ASTE1: variants seen among roughly 807,000 people sequenced by gnomAD.
The protein encoded by ASTE1 is single-strand DNA endonuclease ASTE1.
A neutral mutation model predicts 45.8 loss-of-function variants in ASTE1; 49 were observed. That is an observed-to-expected ratio of 1.07 (90% CI 0.85 to 1.36). The LOEUF (loss-of-function observed/expected upper bound fraction) is 1.36. Among genes scored for constraint, ASTE1 ranks in the 40% most tolerant of loss-of-function variants. ASTE1 has a pLI of 0.00. For synonymous variants in ASTE1, 296 were observed against 303.9 expected (o/e 0.97, Z 0.27); for missense variants, 709 against 804.0 (o/e 0.88, Z 1.43).
chr3:131,022,698 G>C (rs895769517), intron 3 of ASTE1, among the ~76,000 whole-genome samples: 2 of 151,932 alleles, frequency 1.3e-5, no homozygotes, highest in African/African-American at 4.8e-5. Flanking sequence ...AGAAACCCTG[G>C]GGGTTTAACA....
intron 3 of ASTE1, among the ~76,000 whole-genome samples, chr3:131,021,819 C>A (rs1263812046): frequency 6.6e-6 from 1 of 152,162 alleles, no homozygotes; most frequent in Non-Finnish European, 1.5e-5. Flanking sequence ...CTTTACTGTA[C>A]ACTACTTATT....
At position 131,016,259 on chromosome 3, in the gene ASTE1, T is replaced by C; in HGVS notation, c.1594A>G (p.Thr532Ala). 6.2e-7 allele frequency: 1 copy of C among 1,614,196 alleles called. No individual in the cohort carries two copies. The change falls in exon 5 of 6, where the codon ACA (threonine) becomes GCA (alanine). Residue 532 changes from threonine to alanine, a missense_variant. Transcript: ENST00000264992. ...QRVKAQTRLG[T>A]RLDLDTAHIF... ...TGAGCTGTGTCTAAGTCCAGTCTTGTGCCCAGCCGTGTCTGCGCCTTCACT... is the reference window on the plus strand; with the variant it reads ...TGAGCTGTGTCTAAGTCCAGTCTTGCGCCCAGCCGTGTCTGCGCCTTCACT...
chr3:131,020,740 A>G (rs1363670805), intron 3 of ASTE1, among the ~76,000 whole-genome samples: 1 of 152,226 alleles, frequency 6.6e-6, no homozygotes, highest in Admixed American at 6.5e-5. Context: ...GCTAATTAGA[A>G]CCATTAGCAC....
At chr3:131,015,937 T>C (rs2063605703) in intron 5 of ASTE1, 6 of 723,538 alleles carry the variant, frequency 8.3e-6, no homozygotes, top group Non-Finnish European at 1.4e-5. Flanking sequence ...CATGGAAACA[T>C]TCTTTGAGAA....
At chr3:131,015,843 T>C (rs1403286352) in intron 5 of ASTE1, 1 of 465,338 alleles carries the variant, frequency 2.1e-6, no homozygotes, top group Non-Finnish European at 3.9e-6. Context: ...AAGGAGAGAG[T>C]TGTATCCTAC....
At chr3:131,016,633 T>C (rs946737216) in intron 4 of ASTE1, 2 of 415,970 alleles carry the variant, frequency 4.8e-6, no homozygotes, top group Non-Finnish European at 8.8e-6. Context: ...ATTTGAATTC[T>C]CTAAACCCTA....
At chr3:131,014,948 C>T (rs902741102) in intron 5 of ASTE1, among the ~76,000 whole-genome samples, 1 of 152,198 alleles carries the variant, frequency 6.6e-6, no homozygotes, top group Non-Finnish European at 1.5e-5. Flanking sequence ...GATTCAAGAA[C>T]AATCCTGCTG....
Position 131,025,018 on chromosome 3 carries a change from T to A in ASTE1, c.289A>T (p.Arg97Ter). The change falls in exon 3 of 6, where the codon AGA becomes TGA. Residue 97 changes from arginine (R) to a stop codon, truncating the protein, a stop_gained. Coordinates refer to ENST00000264992, the MANE Select transcript of ASTE1 (RefSeq NM_014065.4). LOFTEE classifies it high-confidence loss of function. ...GAATGGGCCATCTGGATCTTCTCTC[T>A]AGCTCTATCCTTTAAAGTTGTAAGC... Reference protein sequence around the residue: ...KKLTTLKDRAREKIQMAHSLS... With the variant: ...KKLTTLKDRA 1 of 1,601,194 alleles carries A rather than the reference T, an allele frequency of 6.2e-7. No homozygotes were observed. Among genetic ancestry groups the A allele is most frequent in the East Asian group, 2.2e-5 (1 of 44,786 alleles).
Position 131,014,314 on chromosome 3 carries a change from T to C in ASTE1, c.1783A>G (p.Ser595Gly). Reference protein sequence around the residue: ...LASTSVESLLSICPEAKQLYE... With the variant: ...LASTSVESLLGICPEAKQLYE... The stretch of plus-strand genomic sequence containing the variant: ...AGTTGCTTAGCCTCAGGACATATGC[T>C]CAGGAGACTTTCTACAGAGGTCGAT... Residue 595 changes from serine (S) to glycine (G), a missense_variant, in exon 6 of 6, where the codon AGC becomes GGC. Physicochemically the swap from Ser to Gly is moderately conservative, Grantham distance 56 (BLOSUM62 0). Transcript: ENST00000264992. 1 of 1,614,006 alleles carries C rather than the reference T, an allele frequency of 6.2e-7. No homozygotes were observed. Among genetic ancestry groups the C allele is most frequent in the Non-Finnish European group, 8.5e-7 (1 of 1,179,978 alleles).
chr3:131,023,132 G>A (rs540012763), intron 3 of ASTE1, among the ~76,000 whole-genome samples: 35 of 152,288 alleles, frequency 2.3e-4, no homozygotes, highest in African/African-American at 7.7e-4. Flanking sequence ...TGACAGAAAA[G>A]GAAGACCTGA....
chr3:131,021,571 T>C (rs1251671442), intron 3 of ASTE1, among the ~76,000 whole-genome samples: 1 of 152,164 alleles, frequency 6.6e-6, no homozygotes, highest in Non-Finnish European at 1.5e-5. Flanking sequence ...GAGAAGCTTC[T>C]AGGGTGGCGA....
In ASTE1 at chr3:131,016,372, C is replaced by T; in HGVS notation, c.1514-33G>A. On this transcript the variant is annotated intron_variant, in intron 4 of 5. Coordinates refer to ENST00000264992, the MANE Select transcript of ASTE1 (RefSeq NM_014065.4). ...AAGAAACAGCCCAAGGGCAGTATTT[C>T]TAAAAGCACTGTAACAGCTTTTCAT... is the stretch of plus-strand genomic sequence containing the variant. The T allele has an allele frequency of 1.9e-6, 3 of 1,610,942 alleles. No homozygotes were observed. In the African/African-American group the frequency reaches 4.0e-5, roughly 21 times the overall value.
At chr3:131,014,598 T>C (rs964161809) in intron 5 of ASTE1, among the ~76,000 whole-genome samples, 4 of 150,980 alleles carry the variant, frequency 2.6e-5, no homozygotes, top group Non-Finnish European at 4.5e-5. Context: ...ACTTAAAAAC[T>C]TTTCATCAAC....
At position 131,018,489 on chromosome 3, in the gene ASTE1, A is replaced by G. The variant is rs148800707; in HGVS notation, c.1513+17T>C. ...GCAACATGCCACAATATACTCCTGT[A>G]ATTTCCAGTTACCTACCAGGGCTGT... On this transcript the variant is annotated intron_variant, in intron 4 of 5. Transcript: ENST00000264992. The G allele has an allele frequency of 2.0e-3, 3,298 of 1,608,934 alleles. 5 individuals carry two copies. Among genetic ancestry groups the G allele is most frequent in the Non-Finnish European group, 2.6e-3 (3,036 of 1,175,372 alleles).
chr3:131,018,433 G>T (rs1482075138), intron 4 of ASTE1, 73 bp downstream of exon 4: 32 of 1,424,408 alleles, frequency 2.2e-5, no homozygotes, highest in Admixed American at 2.2e-4. Flanking sequence ...ATACTTTTTT[G>T]TTTGTGTAAA....
In ASTE1 at chr3:131,018,708, C is replaced by G; in HGVS notation, c.1311G>C (p.Leu437Phe). 2 of 1,613,840 alleles carry G rather than the reference C, an allele frequency of 1.2e-6. No individual in the cohort carries two copies. The highest frequency in any genetic ancestry group is 1.7e-6 in the Non-Finnish European group (2 of 1,179,982). The stretch of plus-strand genomic sequence containing the variant: ...CTAACAGAAGCATCTGCCGCCTCCT[C>G]AAGGAGAGCTGAAAATACACACCAA... ...SDLSRLTELS[L>F]RRRQMLLLET... The change falls in exon 4 of 6, where the codon TTG becomes TTC. Residue 437 changes from leucine to phenylalanine, a missense_variant. By Grantham distance (22) the Leu-to-Phe change is conservative. Coordinates refer to ENST00000264992, the MANE Select transcript of ASTE1 (RefSeq NM_014065.4).
intron 3 of ASTE1, among the ~76,000 whole-genome samples, chr3:131,022,715 C>T (rs773057541): frequency 6.6e-6 from 1 of 152,106 alleles, no homozygotes; most frequent in Non-Finnish European, 1.5e-5. Context: ...AACAGTCACT[C>T]GCCAATGCCA....
rs1477692710 is a variant in ASTE1 at position 131,024,559 on chromosome 3, C to G, written c.748G>C (p.Gly250Arg). ...RLPLGATSSK[G>R]RRHHRILGLL... is the part of the protein sequence containing the mutation. ...CCCAGGATTCGGTGGTGTCTCCTCC[C>G]TTTAGAACTGGTAGCTCCAAGAGGA... Residue 250 changes from glycine (G) to arginine (R), a missense_variant, in exon 3 of 6, where the codon GGG (glycine) becomes CGG (arginine). Transcript: ENST00000264992. 1.2e-6 allele frequency: 2 copies of G among 1,613,972 alleles called. No homozygotes were observed. The highest frequency in any genetic ancestry group is 1.1e-5 in the South Asian group (1 of 91,062).
At chr3:131,023,879 C>G in intron 3 of ASTE1, 126 bp downstream of exon 3, 1 of 979,492 alleles carries the variant, frequency 1.0e-6, no homozygotes, top group Non-Finnish European at 1.4e-6. Flanking sequence ...TTCTTAGCTA[C>G]GACATGAGGG....
Sources: allele counts gnomAD v4.1 joint callset (sites outside exome capture counted in the v4.1 genomes callset), GRCh38; gene constraint gnomAD v4.1.1; transcripts MANE v1.5; gene names NCBI Gene and HGNC (gene_info 2026-07-23, HGNC 2026-07-21).